Variants in KLHL8 observed in about 807,000 individuals in gnomAD.
KLHL8 encodes the protein kelch like family member 8.
KLHL8 carries 38 observed loss-of-function variants against 63.5 expected under a neutral mutation model. That is an observed-to-expected ratio of 0.60 (90% CI 0.46 to 0.78). The LOEUF is 0.78. Ranked by LOEUF, KLHL8 falls within the 30% of genes least tolerant of loss-of-function variation. KLHL8 has a pLI of 0.00. For missense variants in KLHL8, 566 were observed against 752.4 expected, an observed-to-expected ratio of 0.75 and a Z score of 2.90; for synonymous variants, 224 against 254.3, an observed-to-expected ratio of 0.88 and a Z score of 1.13.
chr4:87,228,769 T>C (rs1387713161), intron 1 of KLHL8, among the ~76,000 whole-genome samples: 1 of 152,220 alleles, frequency 6.6e-6, no homozygotes, highest in African/African-American at 2.4e-5. Flanking sequence ...TGAATTTACT[T>C]CCCTGGACTT....
upstream of KLHL8, chr4:87,221,500 G>T (rs1732849713): frequency 6.7e-6 from 1 of 150,354 alleles, no homozygotes; most frequent in Admixed American, 6.6e-5. Context: ...GGGAGATCAA[G>T]AGACAGCAAA....
At chr4:87,194,260 TC>T (rs1731605340) in intron 2 of KLHL8, among the ~76,000 whole-genome samples, 1 of 152,164 alleles carries the variant, frequency 6.6e-6, no homozygotes, top group South Asian at 2.1e-4. Flanking sequence ...ACAGTGTTCA[TC>T]CCCTCTGGAG....
chr4:87,237,285 T>G (rs748673131), intron 1 of KLHL8, among the ~76,000 whole-genome samples: 2 of 152,202 alleles, frequency 1.3e-5, no homozygotes, highest in Non-Finnish European at 2.9e-5. Context: ...CACATACTTT[T>G]CTAGATAATC....
chr4:87,210,331 CT>C (rs1383096577), intron 1 of KLHL8, among the ~76,000 whole-genome samples: 1 of 152,040 alleles, frequency 6.6e-6, no homozygotes, highest in African/African-American at 2.4e-5. Context: ...ACACAAAAAA[CT>C]TAGCCAGGCA....
At chr4:87,198,399 G>A (rs1259909512) in intron 1 of KLHL8, among the ~76,000 whole-genome samples, 1 of 152,108 alleles carries the variant, frequency 6.6e-6, no homozygotes, top group Admixed American at 6.6e-5. Context: ...TGAGTAAGAT[G>A]GTTGATTTAA....
chr4:87,172,721 A>G (rs1464858455), intron 6 of KLHL8, among the ~76,000 whole-genome samples: 9 of 151,972 alleles, frequency 5.9e-5, no homozygotes, highest in Admixed American at 5.9e-4. Flanking sequence ...CTCTATCTCA[A>G]TTTCTATCAG....
intron 1 of KLHL8, among the ~76,000 whole-genome samples, chr4:87,210,989 A>G (rs896960694): frequency 3.9e-5 from 6 of 152,214 alleles, no homozygotes; most frequent in South Asian, 2.1e-4. Context: ...CTTAATACTT[A>G]TAAGTGCCTA....
At chr4:87,188,987 A>G (rs1184091110) in intron 2 of KLHL8, among the ~76,000 whole-genome samples, 1 of 152,260 alleles carries the variant, frequency 6.6e-6, no homozygotes, top group Non-Finnish European at 1.5e-5. Flanking sequence ...ATTAAATTTA[A>G]CGGAGTTTAA....
At chr4:87,238,489 A>G (rs145017415) in intron 1 of KLHL8, among the ~76,000 whole-genome samples, 32 of 152,274 alleles carry the variant, frequency 2.1e-4, no homozygotes, top group African/African-American at 6.5e-4. Flanking sequence ...CCAGGAGTTC[A>G]AGACCAGCCT....
At chr4:87,222,583 AT>A (rs1478970970), upstream of KLHL8, among the ~76,000 whole-genome samples, 9 of 151,940 alleles carry the variant, frequency 5.9e-5, no homozygotes, top group East Asian at 3.9e-4. Flanking sequence ...TTATTTATTT[AT>A]TTTATTTTAT....
intron 1 of KLHL8, among the ~76,000 whole-genome samples, chr4:87,208,320 C>A (rs902832263): frequency 6.6e-6 from 1 of 151,176 alleles, no homozygotes; most frequent in African/African-American, 2.5e-5. Context: ...ACAAACAAAC[C>A]TTGGTCAACT....
upstream of KLHL8, among the ~76,000 whole-genome samples, chr4:87,221,892 A>G (rs939966168): frequency 1.3e-5 from 2 of 152,194 alleles, no homozygotes; most frequent in Admixed American, 6.5e-5. Context: ...AGTTTTAAAG[A>G]AGTATGCAGT....
chr4:87,231,692 G>T (rs1489289596), intron 1 of KLHL8, among the ~76,000 whole-genome samples: 1 of 152,086 alleles, frequency 6.6e-6, no homozygotes, highest in Non-Finnish European at 1.5e-5. Flanking sequence ...TGCCTCCCAG[G>T]TTCAAGCGAT....
intron 1 of KLHL8, among the ~76,000 whole-genome samples, chr4:87,228,038 C>G (rs1733064899): frequency 6.6e-6 from 1 of 152,004 alleles, no homozygotes; most frequent in Non-Finnish European, 1.5e-5. Flanking sequence ...TCAAAAAAAC[C>G]CTCTGGATTC....
chr4:87,232,976 C>A (rs13134294), intron 1 of KLHL8, among the ~76,000 whole-genome samples: 10,549 of 151,880 alleles, frequency 0.069, 518 homozygotes, highest in Non-Finnish European at 0.1. Context: ...ATATCTTCTT[C>A]CAGTTTGTGA....
intron 1 of KLHL8, chr4:87,207,215 G>T (rs544688194): frequency 4.4e-5 from 25 of 567,924 alleles, no homozygotes; most frequent in Non-Finnish European, 8.3e-5. Flanking sequence ...CAACTACATG[G>T]TCTACATGTT....
At chr4:87,195,942 A>G (rs923664243) in intron 1 of KLHL8, among the ~76,000 whole-genome samples, 3 of 152,132 alleles carry the variant, frequency 2.0e-5, no homozygotes, top group African/African-American at 7.2e-5. Context: ...GTAATATGCT[A>G]TCTTCAAAGA....
At chr4:87,201,728 G>C (rs977188549) in intron 1 of KLHL8, among the ~76,000 whole-genome samples, 6 of 152,090 alleles carry the variant, frequency 3.9e-5, no homozygotes, top group Non-Finnish European at 8.8e-5. Flanking sequence ...AAAGACAACA[G>C]AAAACTCTCC....
chr4:87,167,225 T>G (rs913525480), intron 8 of KLHL8: 2 of 518,064 alleles, frequency 3.9e-6, no homozygotes, highest in Admixed American at 4.5e-5. Flanking sequence ...CCCAGATGTG[T>G]GACATAAGAG....
Sources: allele counts gnomAD v4.1 joint callset (sites outside exome capture counted in the v4.1 genomes callset), GRCh38; gene constraint gnomAD v4.1.1; transcripts MANE v1.5; gene names NCBI Gene and HGNC (gene_info 2026-07-23, HGNC 2026-07-21).